The following BOP1 variants were observed in gnomAD, a reference collection of about 807,000 sequenced individuals.
BOP1 encodes the protein BOP1 ribosomal biogenesis factor.
Under a neutral mutation model 82.9 loss-of-function variants are expected in BOP1, and 54 were observed. The observed-to-expected ratio is 0.65, with a 90% CI of 0.52 to 0.82. The LOEUF (loss-of-function observed/expected upper bound fraction) is 0.82. BOP1 is among the 40% of genes least tolerant of loss of function. The probability of loss-of-function intolerance (pLI) is 0.00; values close to 1 mark genes in which losing one functional copy is unlikely to be tolerated. For synonymous variants in BOP1, 566 were observed against 451.1 expected (o/e 1.25, Z -3.23); for missense variants, 1,170 against 1,072.0 (o/e 1.09, Z -1.28).
chr8:144,291,198 C>A lies in BOP1; in HGVS notation c.99+74G>T. ...GCCCAGGTGACAGAAGCCGGGCCCACCCGCCCCAGCGCGGCCACGTGCCCG... is the reference window on the plus strand; with the variant it reads ...GCCCAGGTGACAGAAGCCGGGCCCAACCGCCCCAGCGCGGCCACGTGCCCG... On this transcript the variant is annotated intron_variant, in intron 1 of 15. Transcript: ENST00000569669. This position sits in a 1 kb window ranked among gnomAD's most constrained non-coding sequence, Gnocchi z 4.1. The A allele has an allele frequency of 1.6e-6, 2 of 1,283,934 alleles. No homozygotes were observed. Among genetic ancestry groups the A allele is most frequent in the Non-Finnish European group, 2.0e-6 (2 of 1,006,972 alleles). 79.5% of individuals were successfully genotyped at this position (1,283,934 alleles called of 1,614,324 possible). A position where few individuals can be genotyped will look rare whatever the true frequency, so the allele number is the denominator to read the frequency against.
In BOP1 at chr8:144,264,968, G is replaced by A. The variant is rs947887943; in HGVS notation, c.494C>T (p.Thr165Ile). 27 of 1,612,290 alleles carry A rather than the reference G, an allele frequency of 1.7e-5. No individual in the cohort carries two copies. The highest frequency in any genetic ancestry group is 7.7e-5 in the South Asian group (7 of 91,076). Residue 165 changes from threonine to isoleucine, a missense_variant, in exon 4 of 16, where the codon ACC (threonine) becomes ATC (isoleucine). Coordinates refer to ENST00000569669, the MANE Select transcript of BOP1 (RefSeq NM_015201.5). ...DGRRIYKPLRTRDELDQFLDK... is the reference protein window; with the variant it reads ...DGRRIYKPLRIRDELDQFLDK... ...CAGGAACTGGTCCAGCTCATCCCGG[G>A]TCCGCAGGGGCTTGTAGATGCGCCT...
chr8:144,284,967 AC>A (rs1814824313), intron 2 of BOP1, among the ~76,000 whole-genome samples: 2 of 152,112 alleles, frequency 1.3e-5, no homozygotes, highest in Non-Finnish European at 2.9e-5. Flanking sequence ...CCCAGCAGTC[AC>A]CGGGCTCCCC....
chr8:144,288,993 T>C, intron 2 of BOP1, 102 bp downstream of exon 2: 1 of 1,320,134 alleles, frequency 7.6e-7, no homozygotes, highest in African/African-American at 1.4e-5. Context: ...GGCCTTGGGG[T>C]TCTGAGGGAC....
Position 144,291,363 on chromosome 8 carries a change from C to A in BOP1, c.8G>T (p.Gly3Val). 1 of 1,242,364 alleles carries A rather than the reference C, an allele frequency of 8.0e-7. No homozygotes were observed. The highest frequency in any genetic ancestry group is 1.0e-6 in the Non-Finnish European group (1 of 995,676). The allele number at this position is 1,242,364 out of a possible 1,614,324, so 77.0% of individuals were successfully genotyped here. Reference protein sequence around the residue: MAGSRGAGRTAAP... With the variant: MAVSRGAGRTAAP... ...CGCCGTGCGCCCCGCACCCCGCGAA[C>A]CCGCCATGCCCCACCGCGCGCCGGC... The change falls in exon 1 of 16, where the codon GGT (glycine) becomes GTT (valine). Residue 3 changes from glycine to valine, a missense_variant. Physicochemically the swap from Gly to Val is moderately radical, Grantham distance 109. Coordinates refer to ENST00000569669, the MANE Select transcript of BOP1 (RefSeq NM_015201.5). The surrounding 1 kb of genome is among the most constrained non-coding windows in gnomAD (Gnocchi z 4.1).
intron 13 of BOP1, 62 bp downstream of exon 13, chr8:144,262,791 G>GCC: frequency 9.2e-7 from 1 of 1,086,270 alleles, no homozygotes; most frequent in Non-Finnish European, 1.2e-6. Context: ...CCCCTCACCT[G>GCC]CAGGGTACAC....
intron 3 of BOP1, chr8:144,267,967 T>C (rs1247053874): frequency 1.5e-6 from 2 of 1,349,556 alleles, no homozygotes; most frequent in African/African-American, 2.9e-5. Flanking sequence ...CCAAAACGCT[T>C]GAGGGAAGCT....
At chr8:144,262,736 G>T in intron 13 of BOP1, 64 bp from the exon 14 acceptor site, 1 of 1,504,850 alleles carries the variant, frequency 6.6e-7, no homozygotes, top group Non-Finnish European at 8.9e-7. Context: ...TGCCCTGCCC[G>T]TCACCTACAC....
intron 2 of BOP1, among the ~76,000 whole-genome samples, chr8:144,280,518 G>C (rs781790294): frequency 2.0e-5 from 3 of 152,272 alleles, no homozygotes; most frequent in Non-Finnish European, 4.4e-5. Flanking sequence ...CCCTGCCCAA[G>C]AGTGTGCATT....
At chr8:144,268,127 A>C in intron 3 of BOP1, 1 of 1,551,732 alleles carries the variant, frequency 6.4e-7, no homozygotes, top group Admixed American at 2.0e-5. Context: ...ACAGAAAGAC[A>C]GCGATTCGCA....
At chr8:144,271,662 G>A (rs1845495214) in intron 3 of BOP1, among the ~76,000 whole-genome samples, 1 of 151,962 alleles carries the variant, frequency 6.6e-6, no homozygotes, top group Non-Finnish European at 1.5e-5. Flanking sequence ...TTCCAGCAGG[G>A]GTGCTGGGCC....
chr8:144,281,045 T>TCGGCCTTCTCTC lies in BOP1; in HGVS notation c.310-4742_310-4741insGAGAGAAGGCCG, dbSNP rs1845665782. Among the ~76,000 whole-genome samples the TCGGCCTTCTCTC allele has an allele frequency of 1.4e-4, 21 of 147,958 alleles. 2 individuals are homozygous for TCGGCCTTCTCTC. The highest frequency in any genetic ancestry group is 4.7e-4 in the African/African-American group (19 of 40,572). ...CTTCTCTCACTTTAATACCAGGTCT[T>TCGGCCTTCTCTC]AGGCCTTCTCTCACTTTCATACCAG... On this transcript the variant is annotated intron_variant, in intron 2 of 15. Transcript: ENST00000569669.
chr8:144,266,591 G>A, intron 3 of BOP1: 2 of 1,093,962 alleles, frequency 1.8e-6, no homozygotes, highest in Non-Finnish European at 2.2e-6. Context: ...CGACAGAGCT[G>A]ACGCCGCGCC....
At position 144,276,296 on chromosome 8, in the gene BOP1, A is replaced by C; in HGVS notation, c.318T>G (p.Thr106=). The C allele has an allele frequency of 1.9e-6, 3 of 1,613,348 alleles. No homozygotes were observed. The South Asian group carries it at 3.3e-5, about 18-fold the overall frequency. Residue 106 remains threonine (T), a synonymous_variant, in exon 3 of 16, where the codon ACT becomes ACG. Coordinates refer to ENST00000569669, the MANE Select transcript of BOP1 (RefSeq NM_015201.5). ...TCGCCATCTCTGTCCTCGGGCAAGG[A>C]GTGCTGGCCTGCAGAGAGAGAGAGA... ...KTTEEQVQAS[T]PCPRTEMASA... is the part of the protein sequence containing the mutation.
At position 144,262,872 on chromosome 8, in the gene BOP1, G is replaced by A. The variant is rs1361357677; in HGVS notation, c.1875C>T (p.Ser625=). 1 of 1,532,664 alleles carries A rather than the reference G, an allele frequency of 6.5e-7. No individual in the cohort carries two copies. The highest frequency in any genetic ancestry group is 2.4e-5 in the East Asian group (1 of 42,178). The allele number at this position is 1,532,664 out of a possible 1,614,324, so 94.9% of individuals were successfully genotyped here. Reference sequence around the variant, plus strand: ...CCTCACCTGCAGGGTGCACCGCCAGGCTGGACACCCACTTGCAGTTGGGCA... The same window carrying A: ...CCTCACCTGCAGGGTGCACCGCCAGACTGGACACCCACTTGCAGTTGGGCA... The part of the protein sequence containing the change: ...KLMPNCKWVS[S]LAVHPAGDNV... The change falls in exon 13 of 16, where the codon AGC becomes AGT. Residue 625 remains serine (S), a synonymous_variant. Transcript: ENST00000569669.
At chr8:144,278,529 C>T (rs1231841208) in intron 2 of BOP1, among the ~76,000 whole-genome samples, 3 of 152,234 alleles carry the variant, frequency 2.0e-5, no homozygotes, top group Admixed American at 6.5e-5. Flanking sequence ...GAGAGGATGG[C>T]GACAGAGCTG....
At chr8:144,288,886 T>G (rs956552705) in intron 2 of BOP1, among the ~76,000 whole-genome samples, 1 of 152,176 alleles carries the variant, frequency 6.6e-6, no homozygotes, top group Non-Finnish European at 1.5e-5. Context: ...CCTAGGCATG[T>G]GGATTTTCAG....
Position 144,263,157 on chromosome 8 carries a change from G to T in BOP1, c.1606-16C>A. ...GCGTCACTGGCTGCAGGAGAGCAAG[G>T]CTGGCTGAGTGGCTGAGCCGGGCCC... On this transcript the variant is annotated splice_polypyrimidine_tract_variant and intron_variant, in intron 12 of 15. Transcript: ENST00000569669. The T allele has an allele frequency of 6.3e-7, 1 of 1,593,386 alleles. No homozygotes were observed. The highest frequency in any genetic ancestry group is 1.7e-5 in the Admixed American group (1 of 59,742).
intron 3 of BOP1, among the ~76,000 whole-genome samples, chr8:144,267,722 C>G (rs1045677910): frequency 2.6e-5 from 4 of 152,006 alleles, no homozygotes; most frequent in Non-Finnish European, 5.9e-5. Context: ...CAGAGGCTGG[C>G]AGGAGATGTG....
At chr8:144,288,049 TGA>T (rs1814930261) in intron 2 of BOP1, among the ~76,000 whole-genome samples, 1 of 151,962 alleles carries the variant, frequency 6.6e-6, no homozygotes, top group South Asian at 2.1e-4. Context: ...GCAGATCACT[TGA>T]GGTCAGGAGT....
Sources: gnomAD v4.1 joint callset for allele counts (sites outside exome capture counted in the v4.1 genomes callset) on GRCh38, gnomAD v4.1.1 for gene constraint, Gnocchi (gnomAD v3.1) non-coding constraint, MANE v1.5 for transcripts, NCBI Gene and HGNC (gene_info 2026-07-23, HGNC 2026-07-21) for gene names.